The following FAM241A variants were observed in gnomAD, a reference collection of about 807,000 sequenced individuals.
FAM241A encodes family with sequence similarity 241 member A, also known as uncharacterized protein FAM241A.
Under a neutral mutation model 12.2 loss-of-function variants are expected in FAM241A, and 7 were observed. The observed-to-expected ratio is 0.58, with a 90% CI of 0.33 to 1.08. The LOEUF is 1.08. Among genes scored for constraint, FAM241A ranks in the 50% least tolerant of loss-of-function variants. The pLI is 0.04. For synonymous variants in FAM241A, 74 were observed against 68.2 expected (o/e 1.08, Z -0.42); for missense variants, 161 against 169.7 (o/e 0.95, Z 0.29).
intron 1 of FAM241A, among the ~76,000 whole-genome samples, chr4:112,168,807 G>C (rs1723653019): frequency 6.6e-6 from 1 of 152,094 alleles, no homozygotes; most frequent in Non-Finnish European, 1.5e-5. Context: ...TGGGATTACA[G>C]GTGTGCACCC....
chr4:112,160,419 A>AT (rs1210004494), intron 1 of FAM241A, among the ~76,000 whole-genome samples: 1 of 151,400 alleles, frequency 6.6e-6, no homozygotes, highest in Non-Finnish European at 1.5e-5. Context: ...AAAAAAAAAA[A>AT]GGAAAGATAT....
At chr4:112,155,228 G>A (rs1723327919) in intron 1 of FAM241A, among the ~76,000 whole-genome samples, 1 of 150,544 alleles carries the variant, frequency 6.6e-6, no homozygotes, top group East Asian at 2.0e-4. Flanking sequence ...GAAATTGAGT[G>A]TATCTTTTTG....
chr4:112,181,653 A>G (rs1578379599), intron 1 of FAM241A, among the ~76,000 whole-genome samples: 1 of 152,234 alleles, frequency 6.6e-6, no homozygotes, highest in Admixed American at 6.5e-5. Context: ...GCTAAGACCA[A>G]AAGGAGAGGA....
intron 1 of FAM241A, among the ~76,000 whole-genome samples, chr4:112,150,629 AAAAG>A (rs147476257): frequency 0.091 from 13,853 of 151,710 alleles, 758 homozygotes; most frequent in African/African-American, 0.14. Flanking sequence ...TGATCTGTAA[AAAAG>A]AAAACAAAAT....
Position 112,191,207 on chromosome 4 carries a change from C to CATGT in FAM241A, c.*4271_*4274dup, listed in dbSNP as rs1724159371. 1 of 152,204 alleles carries CATGT rather than the reference C, an allele frequency of 6.6e-6. No individual in the cohort carries two copies. The highest frequency in any genetic ancestry group is 1.5e-5 in the Non-Finnish European group (1 of 68,038). The allele number at this position is 152,204 out of a possible 1,614,324, so 9.4% of individuals were successfully genotyped here. A position where few individuals can be genotyped will look rare whatever the true frequency, so the allele number is the denominator to read the frequency against. On this transcript the variant is annotated 3_prime_UTR_variant, in exon 2 of 2. Transcript: ENST00000309733. ...GACTCTGTGTTTCCTACACTACCTA[C>CATGT]ATGTAACCAAGTACCAAATCTATTT...
chr4:112,179,935 A>ATATATATG (rs1553921430), intron 1 of FAM241A, among the ~76,000 whole-genome samples: 1 of 127,960 alleles, frequency 7.8e-6, no homozygotes, highest in African/African-American at 2.8e-5. Context: ...ATATATATAT[A>ATATATATG]TATGTATATG....
rs1268562915 is a variant in FAM241A at position 112,194,731 on chromosome 4, T to C, written c.*7793T>C. The C allele has an allele frequency of 6.6e-6, 1 of 152,194 alleles. No individual in the cohort carries two copies. The highest frequency in any genetic ancestry group is 1.5e-5 in the Non-Finnish European group (1 of 68,050). The allele number at this position is 152,194 out of a possible 1,614,324, so 9.4% of individuals were successfully genotyped here. A position where few individuals can be genotyped will look rare whatever the true frequency, so the allele number is the denominator to read the frequency against. On this transcript the variant is annotated 3_prime_UTR_variant, in exon 2 of 2. Coordinates refer to ENST00000309733, the MANE Select transcript of FAM241A (RefSeq NM_152400.3). ...AACATGGTGGATAAGCTTTTTGATGTGCTGCTGGATTTGGTTCGCCAGTAT... is the reference window on the plus strand; with the variant it reads ...AACATGGTGGATAAGCTTTTTGATGCGCTGCTGGATTTGGTTCGCCAGTAT...
At position 112,145,552 on chromosome 4, in the gene FAM241A, T is replaced by A; in HGVS notation, c.-29T>A. 1 of 1,241,296 alleles carries A rather than the reference T, an allele frequency of 8.1e-7. No homozygotes were observed. The highest frequency in any genetic ancestry group is 1.0e-6 in the Non-Finnish European group (1 of 990,990). The allele number at this position is 1,241,296 out of a possible 1,614,324, so 76.9% of individuals were successfully genotyped here. A position where few individuals can be genotyped will look rare whatever the true frequency, so the allele number is the denominator to read the frequency against. ...CGTCGCGGCGTGGTCCTCCGGCGGCTGTCCGGGGCGGTAGGAGTTGGCTGC... is the reference window on the plus strand; with the variant it reads ...CGTCGCGGCGTGGTCCTCCGGCGGCAGTCCGGGGCGGTAGGAGTTGGCTGC... On this transcript the variant is annotated 5_prime_UTR_variant, in exon 1 of 2. Transcript: ENST00000309733.
intron 1 of FAM241A, among the ~76,000 whole-genome samples, chr4:112,178,393 G>T (rs1285657629): frequency 6.6e-6 from 1 of 152,134 alleles, no homozygotes; most frequent in Non-Finnish European, 1.5e-5. Flanking sequence ...GAAAGGTAGG[G>T]ATCCAGTTTC....
At chr4:112,165,521 T>G (rs906964169) in intron 1 of FAM241A, among the ~76,000 whole-genome samples, 3 of 152,204 alleles carry the variant, frequency 2.0e-5, no homozygotes, top group Non-Finnish European at 4.4e-5. Context: ...CATCAACAGA[T>G]GAATGGATAA....
intron 1 of FAM241A, among the ~76,000 whole-genome samples, chr4:112,172,641 A>G (rs1322197769): frequency 1.3e-5 from 2 of 152,174 alleles, no homozygotes; most frequent in Admixed American, 1.3e-4. Context: ...CTTAAAATAT[A>G]TGTATTTGTT....
intron 1 of FAM241A, among the ~76,000 whole-genome samples, chr4:112,148,006 A>G (rs1723174148): frequency 6.6e-6 from 1 of 152,138 alleles, no homozygotes; most frequent in Non-Finnish European, 1.5e-5. Context: ...GAAAAGAGCT[A>G]TGGTTGTATG....
chr4:112,177,822 T>G (rs1723853198), intron 1 of FAM241A, among the ~76,000 whole-genome samples: 1 of 152,178 alleles, frequency 6.6e-6, no homozygotes, highest in Non-Finnish European at 1.5e-5. Flanking sequence ...GCTGTCATAT[T>G]CTGTAATTTA....
intron 1 of FAM241A, among the ~76,000 whole-genome samples, chr4:112,173,559 A>G (rs1723766099): frequency 6.6e-6 from 1 of 152,202 alleles, no homozygotes; most frequent in African/African-American, 2.4e-5. Flanking sequence ...AAGAAGGAGA[A>G]AAAGGGAGCC....
In FAM241A at chr4:112,186,814, T is replaced by C. The variant is rs538521310; in HGVS notation, c.275T>C (p.Phe92Ser). The C allele has an allele frequency of 5.6e-6, 9 of 1,614,092 alleles. No individual in the cohort carries two copies. The South Asian group carries it at 9.9e-5, about 18-fold the overall frequency. Residue 92 changes from phenylalanine (F) to serine (S), a missense_variant, in exon 2 of 2, where the codon TTT (phenylalanine) becomes TCT (serine). Transcript: ENST00000309733. ...AACATGGGCTTCACAAGGATGTATT[T>C]TGGAGAACGAATAGTGGAACCAGTA... is the stretch of plus-strand genomic sequence containing the variant. ...LINMGFTRMYFGERIVEPVIV... is the reference protein window; with the variant it reads ...LINMGFTRMYSGERIVEPVIV...
At chr4:112,183,542 C>T (rs1437653505) in intron 1 of FAM241A, among the ~76,000 whole-genome samples, 1 of 151,836 alleles carries the variant, frequency 6.6e-6, no homozygotes, top group Non-Finnish European at 1.5e-5. Flanking sequence ...TTTAAACCTT[C>T]AGACAGTACC....
At chr4:112,168,864 C>T (rs1389119928) in intron 1 of FAM241A, among the ~76,000 whole-genome samples, 2 of 152,120 alleles carry the variant, frequency 1.3e-5, no homozygotes, top group Non-Finnish European at 2.9e-5. Flanking sequence ...GGAGTTTCAG[C>T]ATGTTGGTCA....
intron 1 of FAM241A, among the ~76,000 whole-genome samples, chr4:112,149,993 CAT>C (rs1159073540): frequency 6.6e-6 from 1 of 152,178 alleles, no homozygotes; most frequent in East Asian, 1.9e-4. Context: ...ACACCACTCA[CAT>C]GTATACACGT....
chr4:112,175,765 CAA>C (rs534904273), intron 1 of FAM241A, among the ~76,000 whole-genome samples: 1 of 139,824 alleles, frequency 7.2e-6, no homozygotes, highest in Non-Finnish European at 1.6e-5. Context: ...GAGACTATCT[CAA>C]AAAAAAAAAG....
Sources: gnomAD v4.1 joint callset for allele counts (sites outside exome capture counted in the v4.1 genomes callset) on GRCh38, gnomAD v4.1.1 for gene constraint, MANE v1.5 for transcripts, NCBI Gene and HGNC (gene_info 2026-07-23, HGNC 2026-07-21) for gene names.